PRMT8: variants seen among roughly 807,000 people sequenced by gnomAD.
PRMT8 encodes protein arginine N-methyltransferase 8.
Under a neutral mutation model 47.1 loss-of-function variants are expected in PRMT8, and 7 were observed. The ratio of observed to expected loss-of-function variants is 0.15; its 90% CI spans 0.08 to 0.28. The LOEUF is 0.28. Among genes scored for constraint, PRMT8 ranks in the 10% least tolerant of loss-of-function variants. The pLI is 1.00. For synonymous variants in PRMT8, 188 were observed against 186.5 expected, an observed-to-expected ratio of 1.01 and a Z score of -0.07; for missense variants, 237 against 505.4, an observed-to-expected ratio of 0.47 and a Z score of 5.09.
chr12:3,465,185 T>A lies in PRMT8; in HGVS notation c.49-75421T>A, dbSNP rs1050020043. On this transcript the variant is annotated intron_variant, in intron 1 of 9. Transcript: ENST00000452611. ...AAAAAATATATATTTATATATATAT[T>A]TTATAAATATAAATATATTTTTATA... Among the ~76,000 whole-genome samples the A allele has an allele frequency of 6.1e-4, 88 of 144,244 alleles. 1 individual carries two copies. Among genetic ancestry groups the A allele is most frequent in the African/African-American group, 2.2e-3 (86 of 39,790 alleles). 94.6% of individuals were successfully genotyped at this position (144,244 alleles called of 152,430 possible). A position where few individuals can be genotyped will look rare whatever the true frequency, so the allele number is the denominator to read the frequency against.
At chr12:3,442,433 G>T (rs778712798) in intron 1 of PRMT8, among the ~76,000 whole-genome samples, 6 of 152,270 alleles carry the variant, frequency 3.9e-5, no homozygotes, top group Non-Finnish European at 7.4e-5. Flanking sequence ...GCTGGCTGGG[G>T]CAGCTCTGCC....
At chr12:3,389,008 G>A (rs1322861607) in intron 1 of PRMT8, among the ~76,000 whole-genome samples, 1 of 152,118 alleles carries the variant, frequency 6.6e-6, no homozygotes, top group Non-Finnish European at 1.5e-5. Flanking sequence ...ATCCCACGGT[G>A]CCCAGGACCA....
chr12:3,412,939 T>A (rs1055589857), intron 1 of PRMT8, among the ~76,000 whole-genome samples: 3 of 152,210 alleles, frequency 2.0e-5, no homozygotes, highest in Non-Finnish European at 2.9e-5. Flanking sequence ...TCTAATTACA[T>A]TCCATGAGGC....
Position 3,568,860 on chromosome 12 carries a change from G to A in PRMT8, c.624+12G>A. On this transcript the variant is annotated intron_variant, in intron 5 of 9. Coordinates refer to ENST00000382622, the MANE Select transcript of PRMT8 (RefSeq NM_019854.5). ...GGGACAAGTGGCTGGTAAGTGTCCT[G>A]CATGCTGTCCCCGCGTTGGCCGGCT... The A allele has an allele frequency of 4.3e-6, 7 of 1,613,982 alleles. No individual in the cohort carries two copies. Among genetic ancestry groups the A allele is most frequent in the Non-Finnish European group, 5.9e-6 (7 of 1,179,932 alleles).
intron 2 of PRMT8, among the ~76,000 whole-genome samples, chr12:3,544,435 ACT>A (rs1866290581): frequency 1.3e-5 from 2 of 152,184 alleles, no homozygotes; most frequent in Non-Finnish European, 2.9e-5. Context: ...TAGCAAACAT[ACT>A]CTCTGTTAGG....
intron 6 of PRMT8, among the ~76,000 whole-genome samples, chr12:3,574,343 G>C (rs1201044437): frequency 6.6e-6 from 1 of 152,250 alleles, no homozygotes; most frequent in African/African-American, 2.4e-5. Flanking sequence ...GGAATTGTCT[G>C]TATAGATTTG....
At chr12:3,487,534 C>G (rs1865334162), upstream of PRMT8, among the ~76,000 whole-genome samples, 1 of 152,214 alleles carries the variant, frequency 6.6e-6, no homozygotes, top group Non-Finnish European at 1.5e-5. Context: ...GGTGGAACCT[C>G]AGAGGGCTTG....
rs141808446 is a variant in PRMT8 at position 3,464,979 on chromosome 12, C to A, written c.49-75627C>A. ...GTCTCTACTAAAAATGCAAAATTAG[C>A]CGGGCGTGGTGGTGCATGCCAGCTA... is the stretch of plus-strand genomic sequence containing the variant. On this transcript the variant is annotated intron_variant, in intron 1 of 9. Coordinates refer to the PRMT8 transcript ENST00000452611. Among the ~76,000 whole-genome samples, 1,194 of 151,496 alleles carry A rather than the reference C, an allele frequency of 7.9e-3. 21 individuals carry two copies. The highest frequency in any genetic ancestry group is 0.027 in the African/African-American group (1,129 of 41,272).
At chr12:3,591,374 T>C (rs1275069585) in intron 8 of PRMT8, among the ~76,000 whole-genome samples, 1 of 150,584 alleles carries the variant, frequency 6.6e-6, no homozygotes, top group Non-Finnish European at 1.5e-5. Context: ...TAGGTTTAGT[T>C]CCCCGTGCAC....
chr12:3,493,302 C>A lies in PRMT8; in HGVS notation c.75+1602C>A, dbSNP rs1481193972. ...GCCTCCCAGCAGAAAGCCATCCTTA[C>A]CATTCCCCTCACCCTCCGCCCTCTG... is the stretch of plus-strand genomic sequence containing the variant. On this transcript the variant is annotated intron_variant, in intron 1 of 9. Coordinates refer to ENST00000382622, the MANE Select transcript of PRMT8 (RefSeq NM_019854.5). This position sits in a 1 kb window ranked among gnomAD's most constrained non-coding sequence, Gnocchi z 8.2. Among the ~76,000 whole-genome samples, 1 of 152,152 alleles carries A rather than the reference C, an allele frequency of 6.6e-6. No individual in the cohort carries two copies. The highest frequency in any genetic ancestry group is 2.4e-5 in the African/African-American group (1 of 41,438).
At chr12:3,579,520 G>C (rs886951235) in intron 7 of PRMT8, among the ~76,000 whole-genome samples, 2 of 152,070 alleles carry the variant, frequency 1.3e-5, no homozygotes, top group Non-Finnish European at 2.9e-5. Flanking sequence ...TCTGTCTCAG[G>C]ACTCGTGACC....
intron 6 of PRMT8, among the ~76,000 whole-genome samples, chr12:3,575,008 C>T (rs1178469698): frequency 6.6e-6 from 1 of 152,192 alleles, no homozygotes; most frequent in Non-Finnish European, 1.5e-5. Context: ...TTCTCTGAAA[C>T]CTGCCCTGTT....
rs925496557 is a variant in PRMT8 at position 3,535,339 on chromosome 12, C to G, written c.76-5267C>G. Among the ~76,000 whole-genome samples, 3 of 152,230 alleles carry G rather than the reference C, an allele frequency of 2.0e-5. No homozygotes were observed. Among genetic ancestry groups the G allele is most frequent in the African/African-American group, 7.2e-5 (3 of 41,470 alleles). On this transcript the variant is annotated intron_variant, in intron 1 of 9. Coordinates refer to ENST00000382622, the MANE Select transcript of PRMT8 (RefSeq NM_019854.5). This position sits in a 1 kb window ranked among gnomAD's most constrained non-coding sequence, Gnocchi z 4.7. ...ATTAGGGAGAAAAACTGTGCTGAAG[C>G]TGCCCTGGGTAAGGCCAGTCTGGGG... is the stretch of plus-strand genomic sequence containing the variant.
Position 3,508,610 on chromosome 12 carries a change from G to A in PRMT8, c.75+16910G>A, listed in dbSNP as rs546440203. Among the ~76,000 whole-genome samples the A allele has an allele frequency of 6.6e-6, 1 of 152,302 alleles. No homozygotes were observed. Among genetic ancestry groups the A allele is most frequent in the South Asian group, 2.1e-4 (1 of 4,826 alleles). On this transcript the variant is annotated intron_variant, in intron 1 of 9. Coordinates refer to ENST00000382622, the MANE Select transcript of PRMT8 (RefSeq NM_019854.5). This position sits in a 1 kb window ranked among gnomAD's most constrained non-coding sequence, Gnocchi z 4.9. ...AGCTGATGTGCTTCGTTGATTCTGT[G>A]AGTTGTGGTGCTGTGGGCTTGTTCC...
intron 1 of PRMT8, among the ~76,000 whole-genome samples, chr12:3,519,369 G>A (rs548707650): frequency 2.0e-5 from 3 of 152,222 alleles, no homozygotes; most frequent in East Asian, 1.9e-4. Flanking sequence ...GAGAGGATGC[G>A]GAGAGGTTGG....
In PRMT8 at chr12:3,397,495, T is replaced by C. The variant is rs1355873876; in HGVS notation, c.48+16053T>C. On this transcript the variant is annotated intron_variant, in intron 1 of 9. Transcript: ENST00000452611. ...CTGTGAGGTGTCAGTCTGCCCCTGC[T>C]GGGGGGTGCCTCCCAGTTAGGCTGC... Among the ~76,000 whole-genome samples the C allele has an allele frequency of 3.7e-4, 56 of 150,752 alleles. 1 individual carries two copies. Among genetic ancestry groups the C allele is most frequent in the East Asian group, 5.9e-4 (3 of 5,098 alleles).
chr12:3,586,378 C>T (rs545008190), intron 8 of PRMT8, among the ~76,000 whole-genome samples: 5 of 152,304 alleles, frequency 3.3e-5, no homozygotes, highest in South Asian at 2.1e-4. Flanking sequence ...CACAGTCCTA[C>T]GTGGCTCAAA....
At chr12:3,408,733 C>G (rs924440806) in intron 1 of PRMT8, among the ~76,000 whole-genome samples, 13 of 152,172 alleles carry the variant, frequency 8.5e-5, no homozygotes, top group Non-Finnish European at 1.8e-4. Context: ...TAGGGAAAGA[C>G]TCACCTGCAG....
intron 1 of PRMT8, among the ~76,000 whole-genome samples, chr12:3,391,242 T>C (rs1864189990): frequency 6.6e-6 from 1 of 152,216 alleles, no homozygotes; most frequent in East Asian, 1.9e-4. Flanking sequence ...TGCAATCCAC[T>C]GGAGGGGAAA....
Sources: gnomAD v4.1 joint callset for allele counts (sites outside exome capture counted in the v4.1 genomes callset) on GRCh38, gnomAD v4.1.1 for gene constraint, Gnocchi (gnomAD v3.1) non-coding constraint, MANE v1.5 for transcripts, NCBI Gene and HGNC (gene_info 2026-07-23, HGNC 2026-07-21) for gene names.